Variants in RFPL1 observed in about 807,000 individuals in gnomAD.
RFPL1 encodes the protein ret finger protein like 1, also known as ret finger protein-like 1.
Under a neutral mutation model 9.6 loss-of-function variants are expected in RFPL1, and 6 were observed. That is an observed-to-expected ratio of 0.62 (90% CI 0.34 to 1.23). The LOEUF (loss-of-function observed/expected upper bound fraction) is 1.23, where lower values mean the gene tolerates loss of function less well. Among genes scored for constraint, RFPL1 ranks in the 50% most tolerant of loss-of-function variants. The pLI, the probability that RFPL1 is intolerant of heterozygous loss-of-function variation, is 0.03. For synonymous variants in RFPL1, 145 were observed against 149.4 expected (o/e 0.97, Z 0.22); for missense variants, 352 against 398.4 (o/e 0.88, Z 0.99).
chr22:29,403,134 A>G, the RFPL1 span, among the ~76,000 whole-genome samples: 3 of 152,274 alleles, frequency 2.0e-5, no homozygotes, highest in African/African-American at 4.8e-5. Context: ...GAAATAAGAC[A>G]GAAGGTCCCC....
the RFPL1 span, among the ~76,000 whole-genome samples, chr22:29,395,579 C>G: frequency 6.6e-6 from 1 of 152,198 alleles, no homozygotes; most frequent in Non-Finnish European, 1.5e-5. Context: ...CAAATTCCTG[C>G]TCAGCCCCTC....
chr22:29,426,541 C>G, the RFPL1 span, among the ~76,000 whole-genome samples: 1 of 152,108 alleles, frequency 6.6e-6, no homozygotes, highest in Admixed American at 6.6e-5. Flanking sequence ...CGCCTGAGGT[C>G]AGGAGTTGAA....
chr22:29,438,808 T>C, exon 1 of RFPL1: 1 of 1,613,410 alleles, frequency 6.2e-7, no homozygotes. Flanking sequence ...AGGTTGTCAC[T>C]TGTCACAACT....
chr22:29,411,744 G>A, the RFPL1 span, among the ~76,000 whole-genome samples: 1 of 152,214 alleles, frequency 6.6e-6, no homozygotes, highest in South Asian at 2.1e-4. Flanking sequence ...GTTTCTTAGA[G>A]TTCCTCCAGC....
chr22:29,433,069 T>C, the RFPL1 span: 1 of 151,912 alleles, frequency 6.6e-6, no homozygotes, highest in Non-Finnish European at 1.5e-5. Context: ...CTGAGGTGGG[T>C]GGATCTCGAG....
At chr22:29,398,870 A>G in the RFPL1 span, among the ~76,000 whole-genome samples, 1 of 152,184 alleles carries the variant, frequency 6.6e-6, no homozygotes, top group Non-Finnish European at 1.5e-5. Context: ...GCTCTCTGGA[A>G]CGAATATACA....
chr22:29,414,393 G>T, the RFPL1 span, among the ~76,000 whole-genome samples: 1 of 152,116 alleles, frequency 6.6e-6, no homozygotes, highest in Admixed American at 6.5e-5. Flanking sequence ...GTAAGTGTGG[G>T]ATTTCAATTA....
the RFPL1 span, among the ~76,000 whole-genome samples, chr22:29,410,398 G>GAT: frequency 0.096 from 5,882 of 61,392 alleles, 1,178 homozygotes; most frequent in African/African-American, 0.29. Context: ...ATATATTGTA[G>GAT]ATATATATCT....
chr22:29,435,700 T>A (rs1341625935), upstream of RFPL1, among the ~76,000 whole-genome samples: 2 of 150,638 alleles, frequency 1.3e-5, no homozygotes, highest in Non-Finnish European at 2.9e-5. Flanking sequence ...TAAATGTAGG[T>A]CTTTCAAAAA....
chr22:29,391,905 G>C, the RFPL1 span, among the ~76,000 whole-genome samples: 1 of 152,154 alleles, frequency 6.6e-6, no homozygotes. Flanking sequence ...CCCTGCCCTT[G>C]CTCAGCCTAC....
chr22:29,409,353 T>C, the RFPL1 span, among the ~76,000 whole-genome samples: 1,600 of 152,300 alleles, frequency 0.011, 23 homozygotes, highest in African/African-American at 0.037. Flanking sequence ...CTATTTCGCA[T>C]TGATGAAGTT....
chr22:29,416,668 C>T, the RFPL1 span, among the ~76,000 whole-genome samples: 1 of 152,198 alleles, frequency 6.6e-6, no homozygotes, highest in Non-Finnish European at 1.5e-5. Flanking sequence ...TCTCCACAAG[C>T]TCTGGCACCC....
the RFPL1 span, among the ~76,000 whole-genome samples, chr22:29,426,715 T>C: frequency 6.6e-6 from 1 of 152,162 alleles, no homozygotes; most frequent in Non-Finnish European, 1.5e-5. Context: ...GCCATTGCAC[T>C]CCGGCCAGGG....
chr22:29,411,220 C>T, the RFPL1 span, among the ~76,000 whole-genome samples: 1 of 151,964 alleles, frequency 6.6e-6, no homozygotes, highest in East Asian at 1.9e-4. Flanking sequence ...TAATTCTTAC[C>T]AAATAGTAAG....
chr22:29,390,658 C>G, the RFPL1 span, among the ~76,000 whole-genome samples: 1 of 151,680 alleles, frequency 6.6e-6, no homozygotes, highest in East Asian at 2.0e-4. Flanking sequence ...TTCAGTGGCT[C>G]GATCTCGGCT....
chr22:29,405,898 AG>A, the RFPL1 span, among the ~76,000 whole-genome samples: 1 of 151,252 alleles, frequency 6.6e-6, no homozygotes. Context: ...TCACGAGGTC[AG>A]GAGATCGAGA....
upstream of RFPL1, chr22:29,434,762 CTCT>C (rs764288010): frequency 2.0e-5 from 3 of 153,356 alleles, no homozygotes; most frequent in Non-Finnish European, 2.9e-5. Flanking sequence ...TTTAACCACC[CTCT>C]GGGTGAGTCC....
At chr22:29,425,201 C>G in the RFPL1 span, among the ~76,000 whole-genome samples, 3 of 121,030 alleles carry the variant, frequency 2.5e-5, no homozygotes, top group South Asian at 2.7e-4. Flanking sequence ...GAGACTCCGT[C>G]TCAAAAAAAA....
the RFPL1 span, among the ~76,000 whole-genome samples, chr22:29,396,218 C>A: frequency 6.6e-6 from 1 of 152,162 alleles, no homozygotes; most frequent in Non-Finnish European, 1.5e-5. Context: ...TGGCAGTCCC[C>A]ACTGCAACAG....
Sources: gnomAD v4.1 joint callset for allele counts (sites outside exome capture counted in the v4.1 genomes callset) on GRCh38, gnomAD v4.1.1 for gene constraint, MANE v1.5 for transcripts, NCBI Gene and HGNC (gene_info 2026-07-23, HGNC 2026-07-21) for gene names.